NAV3: variants seen among roughly 807,000 people sequenced by gnomAD.
NAV3 encodes pore membrane and/or filament interacting like protein 1.
Under a neutral mutation model 244.7 loss-of-function variants are expected in NAV3, and 87 were observed. The ratio of observed to expected loss-of-function variants is 0.36; its 90% CI spans 0.30 to 0.42. The LOEUF (loss-of-function observed/expected upper bound fraction) is 0.42. Ranked by LOEUF, NAV3 falls within the 20% of genes least tolerant of loss-of-function variation. NAV3 has a pLI of 1.00. For synonymous variants in NAV3, 1,126 were observed against 1,042.2 expected (o/e 1.08, Z -1.55); for missense variants, 2,663 against 2,893.3 (o/e 0.92, Z 1.83).
intron 1 of NAV3, among the ~76,000 whole-genome samples, chr12:77,905,942 C>T (rs986886840): frequency 6.6e-5 from 10 of 152,096 alleles, no homozygotes; most frequent in Non-Finnish European, 1.0e-4. Context: ...ACCGTTCCCA[C>T]GATCTACTGG....
chr12:77,796,846 T>G (rs1382650682), intron 2 of NAV3, among the ~76,000 whole-genome samples: 1 of 55,586 alleles, frequency 1.8e-5, no homozygotes, highest in Non-Finnish European at 4.1e-5. Flanking sequence ...TTAATTAAGG[T>G]TTTTTTTTTT....
At chr12:77,884,173 T>C (rs1350763774) in intron 1 of NAV3, among the ~76,000 whole-genome samples, 3 of 152,084 alleles carry the variant, frequency 2.0e-5, no homozygotes, top group Admixed American at 6.6e-5. Flanking sequence ...GTGTTTTAGT[T>C]GGGATTCTCC....
In NAV3 at chr12:77,982,522, C is replaced by T. The variant is rs533848176; in HGVS notation, c.672-12281C>T. 2.1e-4 allele frequency among the ~76,000 whole-genome samples: 32 copies of T among 152,186 alleles called. No homozygotes were observed. The South Asian group carries it at 4.1e-3, about 20-fold the overall frequency. ...GGAAGGGCACATATGAAGGGACTGA[C>T]GAAGGAAATGCCATTTCACATTCAG... On this transcript the variant is annotated intron_variant, in intron 5 of 39. Transcript: ENST00000397909.
intron 5 of NAV3, among the ~76,000 whole-genome samples, chr12:77,982,516 G>C (rs1197545552): frequency 2.6e-5 from 4 of 152,182 alleles, no homozygotes; most frequent in Non-Finnish European, 4.4e-5. Flanking sequence ...CATATGAAGG[G>C]ACTGACGAAG....
At position 78,026,503 on chromosome 12, in the gene NAV3, A is replaced by G. The variant is rs149384271; in HGVS notation, c.2023+4641A>G. On this transcript the variant is annotated intron_variant, in intron 9 of 39. Transcript: ENST00000397909. ...GTCCTGATATTCTATTCATTATAGT[A>G]TATTTTTGGCTCCAGAAGTATTGTT... 3.0e-3 allele frequency among the ~76,000 whole-genome samples: 459 copies of G among 152,260 alleles called. 1 individual carries two copies. The highest frequency in any genetic ancestry group is 1.0e-2 in the African/African-American group (414 of 41,544).
At chr12:78,181,525 A>G (rs181810744) in intron 30 of NAV3, among the ~76,000 whole-genome samples, 2 of 152,182 alleles carry the variant, frequency 1.3e-5, no homozygotes, top group East Asian at 1.9e-4. Flanking sequence ...ACAAAGATAA[A>G]GAACACAGTA....
intron 2 of NAV3, among the ~76,000 whole-genome samples, chr12:77,633,293 C>G (rs1412727378): frequency 6.6e-6 from 1 of 152,040 alleles, no homozygotes; most frequent in Non-Finnish European, 1.5e-5. Context: ...GATTAATCAT[C>G]ATTACCATAA....
At chr12:78,088,395 T>G (rs1167186051) in intron 12 of NAV3, among the ~76,000 whole-genome samples, 1 of 152,128 alleles carries the variant, frequency 6.6e-6, no homozygotes, top group Admixed American at 6.5e-5. Context: ...AGATTATCAC[T>G]GCAAACAATG....
Position 77,691,329 on chromosome 12 carries a change from G to GTGTATATATATATA in NAV3, c.72+119064_72+119065insGTATATATATATAT, listed in dbSNP as rs1555195177. Among the ~76,000 whole-genome samples, 149 of 66,688 alleles carry GTGTATATATATATA rather than the reference G, an allele frequency of 2.2e-3. 3 individuals are homozygous for GTGTATATATATATA. The highest frequency in any genetic ancestry group is 3.5e-3 in the Admixed American group (18 of 5,142). 43.7% of individuals were successfully genotyped at this position (66,688 alleles called of 152,430 possible). ...TATATAGTCATATATAAGTATTTGT[G>GTGTATATATATATA]TATGTGTGTATATATATATATATAT... On this transcript the variant is annotated intron_variant, in intron 2 of 8. Transcript: ENST00000550042.
intron 1 of NAV3, among the ~76,000 whole-genome samples, chr12:77,895,418 C>T (rs1884478431): frequency 6.6e-6 from 1 of 151,692 alleles, no homozygotes. Context: ...CCAGCCATCT[C>T]ATGGTAAACA....
At chr12:78,093,912 T>A (rs1954097052) in intron 12 of NAV3, among the ~76,000 whole-genome samples, 1 of 152,146 alleles carries the variant, frequency 6.6e-6, no homozygotes, top group African/African-American at 2.4e-5. Context: ...CAATCATAGT[T>A]CAGTGCAGCC....
At chr12:77,651,835 G>T (rs1872835821) in intron 2 of NAV3, among the ~76,000 whole-genome samples, 1 of 152,188 alleles carries the variant, frequency 6.6e-6, no homozygotes, top group Non-Finnish European at 1.5e-5. Flanking sequence ...AGTCAGAGGT[G>T]CTGGGCTGGG....
Position 78,179,750 on chromosome 12 carries a change from T to C in NAV3, c.5517+68T>C, listed in dbSNP as rs557968698. 6 of 1,499,516 alleles carry C rather than the reference T, an allele frequency of 4.0e-6. No homozygotes were observed. The East Asian group carries it at 1.4e-4, about 35-fold the overall frequency. 92.9% of individuals were successfully genotyped at this position (1,499,516 alleles called of 1,614,324 possible). The stretch of plus-strand genomic sequence containing the variant: ...AAAAATGCTGCTTATTCTGTTCTCT[T>C]GGTTAACACAGAATAAATTCCACTT... On this transcript the variant is annotated intron_variant, in intron 29 of 39. Transcript: ENST00000397909.
At chr12:77,669,983 A>G (rs1236512047) in intron 2 of NAV3, among the ~76,000 whole-genome samples, 1 of 152,124 alleles carries the variant, frequency 6.6e-6, no homozygotes, top group Non-Finnish European at 1.5e-5. Flanking sequence ...ACAAACAAAA[A>G]AAATACAAAA....
chr12:77,681,967 G>T (rs991317575), intron 2 of NAV3, among the ~76,000 whole-genome samples: 3 of 152,128 alleles, frequency 2.0e-5, no homozygotes, highest in Non-Finnish European at 2.9e-5. Flanking sequence ...GCATTATCTT[G>T]CATGTTAATT....
intron 2 of NAV3, among the ~76,000 whole-genome samples, chr12:77,800,454 T>C (rs527873229): frequency 4.7e-4 from 72 of 152,292 alleles, no homozygotes; most frequent in Non-Finnish European, 9.7e-4. Flanking sequence ...TTCTTGGTGC[T>C]CACATTCTTC....
chr12:77,809,394 G>A (rs1176958143), intron 2 of NAV3, among the ~76,000 whole-genome samples: 2 of 152,204 alleles, frequency 1.3e-5, no homozygotes, highest in East Asian at 1.9e-4. Context: ...TCACAGCACA[G>A]TCCCTCATGG....
chr12:78,007,506 T>C lies in NAV3; in HGVS notation c.1907+61T>C, dbSNP rs543500390. 1.3e-5 allele frequency: 20 copies of C among 1,511,470 alleles called. No homozygotes were observed. In the African/African-American group the frequency reaches 2.4e-4, roughly 18 times the overall value. The allele number at this position is 1,511,470 out of a possible 1,614,324, so 93.6% of individuals were successfully genotyped here. On this transcript the variant is annotated intron_variant, in intron 8 of 39. Coordinates refer to ENST00000397909, the MANE Select transcript of NAV3 (RefSeq NM_001024383.2). ...TATTTACAGGCCTACATACTCAGAGTGTAATAGGGAAGGCTGATAAAGTGG... is the reference window on the plus strand; with the variant it reads ...TATTTACAGGCCTACATACTCAGAGCGTAATAGGGAAGGCTGATAAAGTGG...
At chr12:77,854,577 GTATGTGTGTA>G (rs143884579) in intron 1 of NAV3, among the ~76,000 whole-genome samples, 5,574 of 93,570 alleles carry the variant, frequency 0.06, 140 homozygotes, top group Non-Finnish European at 0.099. Context: ...CCAATTGTGT[GTATGTGTGTA>G]TGTGTGTGTG....
Sources: gnomAD v4.1 joint callset for allele counts (sites outside exome capture counted in the v4.1 genomes callset) on GRCh38, gnomAD v4.1.1 for gene constraint, MANE v1.5 for transcripts, NCBI Gene and HGNC (gene_info 2026-07-23, HGNC 2026-07-21) for gene names.